HUWE1: variants seen among roughly 807,000 people sequenced by gnomAD.
HUWE1 encodes HECT, UBA and WWE domain containing E3 ubiquitin protein ligase 1.
A neutral mutation model predicts 299.4 loss-of-function variants in HUWE1; 18 were observed. The ratio of observed to expected loss-of-function variants is 0.06; its 90% CI spans 0.04 to 0.09. The LOEUF is 0.09. HUWE1 is among the 10% of genes least tolerant of loss of function. HUWE1 has a pLI of 1.00. For synonymous variants in HUWE1, 1,317 were observed against 1,286.1 expected, an observed-to-expected ratio of 1.02 and a Z score of -0.51; for missense variants, 1,832 against 3,462.3, an observed-to-expected ratio of 0.53 and a Z score of 11.82.
intron 25 of HUWE1, among the ~76,000 whole-genome samples, chrX:53,605,075 CT>C (rs2065078120): frequency 8.9e-6 from 1 of 111,978 alleles, no homozygotes; most frequent in African/African-American, 3.2e-5. Context: ...CACTTAAAAG[CT>C]TATGATGGTC....
chrX:53,604,753 G>A lies in HUWE1; in HGVS notation c.2578C>T (p.Arg860Cys), dbSNP rs932922491. 6 of 1,209,544 alleles carry A rather than the reference G, an allele frequency of 5.0e-6. No individual in the cohort carries two copies. The highest frequency in any genetic ancestry group is 6.7e-6 in the Non-Finnish European group (6 of 894,568). ...GAGCCCCCAGGGGATTCAATGGGGC[G>A]GTGTAAGGGCTCCAGGGAGGAGAGG... Reference protein sequence around the residue: ...SILSSLEPLHRPIESPGGSVL... With the variant: ...SILSSLEPLHCPIESPGGSVL... Residue 860 changes from arginine (R) to cysteine (C), a missense_variant, in exon 26 of 84, where the codon CGC becomes TGC. By Grantham distance (180) the Arg-to-Cys change is radical. Around this residue, in one of 15 missense-constraint regions of HUWE1, gnomAD observed 658 missense variants for 1,282.6 expected, o/e 0.51. Transcript: ENST00000262854.
chrX:53,632,312 T>A lies in HUWE1; in HGVS notation c.645+175A>T, dbSNP rs112438519. ...GCTCCCAACATAAGACCCAACCCTA[T>A]CAGAGTTGGGGATGCAATTAACACT... is the stretch of plus-strand genomic sequence containing the variant. On this transcript the variant is annotated intron_variant, in intron 9 of 83. Transcript: ENST00000262854. Among the ~76,000 whole-genome samples, 451 of 111,722 alleles carry A rather than the reference T, an allele frequency of 4.0e-3. 3 individuals are homozygous for A. The highest frequency in any genetic ancestry group is 0.014 in the African/African-American group (438 of 30,780).
At chrX:53,642,870 A>G (rs144000802) in intron 7 of HUWE1, among the ~76,000 whole-genome samples, 3,416 of 112,263 alleles carry the variant, frequency 0.03, 64 homozygotes, top group Non-Finnish European at 0.048. Flanking sequence ...GTTTTAAAAC[A>G]CTGTTAAACA....
intron 3 of HUWE1, among the ~76,000 whole-genome samples, chrX:53,663,471 C>T (rs1347027987): frequency 9.0e-6 from 1 of 110,627 alleles, no homozygotes; most frequent in Admixed American, 9.6e-5. Context: ...CGAGATTGCA[C>T]CATTGCACTC....
At chrX:53,591,517 G>A (rs149595715) in intron 33 of HUWE1, among the ~76,000 whole-genome samples, 120 of 111,977 alleles carry the variant, frequency 1.1e-3, no homozygotes, top group African/African-American at 3.8e-3. Context: ...TCTACTACCA[G>A]GCAATAATCA....
In HUWE1 at chrX:53,535,474, G is replaced by A. The variant is rs121918527; in HGVS notation, c.12559C>T (p.Arg4187Cys). ...TTGGCCCCATTGGGTTTGAGGTCAC[G>A]AACTTCACAAACTCCAAACTCTTGG... ...EVQEFGVCEV[R>C]DLKPNGANIL... is the part of the protein sequence containing the mutation. Residue 4187 changes from arginine (R) to cysteine (C), a missense_variant, in exon 81 of 84, where the codon CGT (arginine) becomes TGT (cysteine). Transcript: ENST00000262854. 1.7e-6 allele frequency: 2 copies of A among 1,202,169 alleles called. No homozygotes were observed. Among genetic ancestry groups the A allele is most frequent in the Admixed American group, 2.2e-5 (1 of 45,544 alleles).
Position 53,538,423 on chromosome X carries a change from T to C in HUWE1, c.11910A>G (p.Leu3970=), listed in dbSNP as rs150043212. 196 of 1,205,141 alleles carry C rather than the reference T, an allele frequency of 1.6e-4. 1 individual carries two copies. The African/African-American group carries it at 3.1e-3, about 19-fold the overall frequency. Residue 3970 remains leucine, a synonymous_variant, in exon 77 of 84, where the codon CTA becomes CTG. Transcript: ENST00000262854. ...ETHRTVLNQI[L]RQSTTHLADG... ...CAGCAAGGTGGGTCGTGGACTGCCG[T>C]AGGATCTGGTTTAACACAGTGCGGT... is the stretch of plus-strand genomic sequence containing the variant.
rs2061611912 is a variant in HUWE1 at position 53,547,810 on chromosome X, G to A, written c.10499C>T (p.Thr3500Ile). The A allele has an allele frequency of 8.3e-7, 1 of 1,197,907 alleles. No homozygotes were observed. Among genetic ancestry groups the A allele is most frequent in the African/African-American group, 1.8e-5 (1 of 56,809 alleles). The change falls in exon 68 of 84, where the codon ACC becomes ATC. Residue 3500 changes from threonine to isoleucine, a missense_variant. By Grantham distance (89) the Thr-to-Ile change is moderately conservative (BLOSUM62 -1). Coordinates refer to ENST00000262854, the MANE Select transcript of HUWE1 (RefSeq NM_031407.7). ...TSTTTTTAAS[T>I]TPTPPTAPTP... ...GGGTGCAGTAGGGGGTGTGGGCGTG[G>A]TGGAGGCGGCAGTGGTGGTGGTGGT...
chrX:53,645,263 C>T, intron 7 of HUWE1, 48 bp downstream of exon 7: 2 of 1,179,051 alleles, frequency 1.7e-6, no homozygotes, highest in Non-Finnish European at 1.2e-6. Context: ...TGAAAGGAAC[C>T]ATATGCTCCA....
chrX:53,586,135 G>A (rs913634288), intron 39 of HUWE1, among the ~76,000 whole-genome samples: 1 of 112,101 alleles, frequency 8.9e-6, no homozygotes, highest in Admixed American at 9.4e-5. Context: ...TCCCTAAAAG[G>A]GGAATGTTCA....
At chrX:53,629,668 T>G (rs1557021086) in intron 12 of HUWE1, 52 bp from the exon 13 acceptor site, 1 of 819,020 alleles carries the variant, frequency 1.2e-6, no homozygotes, top group Non-Finnish European at 1.8e-6. Context: ...GTCAAGCCAC[T>G]GCCCAATAAC....
At chrX:53,554,185 G>A (rs2096534893) in intron 61 of HUWE1, among the ~76,000 whole-genome samples, 1 of 111,043 alleles carries the variant, frequency 9.0e-6, no homozygotes, top group South Asian at 3.8e-4. Context: ...TCATTTCTGA[G>A]TTTCAGTTTA....
intron 3 of HUWE1, among the ~76,000 whole-genome samples, chrX:53,676,684 G>A (rs192682126): frequency 6.3e-4 from 70 of 111,390 alleles, no homozygotes; most frequent in African/African-American, 2.2e-3. Flanking sequence ...TAAGAATCAG[G>A]AGCCAACTTT....
intron 19 of HUWE1, among the ~76,000 whole-genome samples, chrX:53,620,385 A>C (rs1399877466): frequency 3.6e-5 from 4 of 109,940 alleles, no homozygotes; most frequent in Non-Finnish European, 7.6e-5. Flanking sequence ...CTTCCTGAGT[A>C]GCGCACCAGC....
intron 3 of HUWE1, among the ~76,000 whole-genome samples, chrX:53,676,995 G>A (rs965418201): frequency 3.6e-5 from 4 of 110,071 alleles, no homozygotes; most frequent in East Asian, 5.7e-4. Context: ...GCATCAGAAC[G>A]TCACCATTTT....
At chrX:53,535,030 G>T (rs1038966731) in intron 81 of HUWE1, among the ~76,000 whole-genome samples, 1 of 109,221 alleles carries the variant, frequency 9.2e-6, no homozygotes, top group African/African-American at 3.3e-5. Context: ...TCCACCTCCC[G>T]GGTTCAAGCA....
At chrX:53,635,994 A>C (rs1407919196) in intron 7 of HUWE1, among the ~76,000 whole-genome samples, 1 of 112,801 alleles carries the variant, frequency 8.9e-6, no homozygotes, top group Non-Finnish European at 1.9e-5. Context: ...TTCTCAATCC[A>C]GGTATCATAT....
chrX:53,578,586 G>A (rs1438009095), intron 43 of HUWE1, among the ~76,000 whole-genome samples: 12 of 91,595 alleles, frequency 1.3e-4, no homozygotes, highest in East Asian at 3.7e-4. Context: ...GGGAGGGGGG[G>A]TCAGCCCCCT....
At chrX:53,565,356 G>C (rs782387855) in intron 49 of HUWE1, 117 bp from the exon 50 acceptor site, 33 of 673,508 alleles carry the variant, frequency 4.9e-5, no homozygotes, top group Non-Finnish European at 6.7e-5. Flanking sequence ...GCATAAGGTC[G>C]TACAACTAAC....
Sources: allele counts gnomAD v4.1 joint callset (sites outside exome capture counted in the v4.1 genomes callset), GRCh38; gene constraint gnomAD v4.1.1; regional missense constraint gnomAD v4.1.1; transcripts MANE v1.5; gene names NCBI Gene and HGNC (gene_info 2026-07-23, HGNC 2026-07-21).